ITPKB: variants seen among roughly 807,000 people sequenced by gnomAD.
The protein encoded by ITPKB is inositol-trisphosphate 3-kinase B.
In ITPKB, 13 loss-of-function variants were observed where a neutral mutation model predicts 69.4. That is an observed-to-expected ratio of 0.19 (90% confidence interval 0.12 to 0.30). ITPKB has a LOEUF of 0.30. Among genes scored for constraint, ITPKB ranks in the 10% least tolerant of loss-of-function variants. ITPKB has a pLI of 1.00. For missense variants in ITPKB, 1,240 were observed against 1,250.5 expected (o/e 0.99, Z 0.13); for synonymous variants, 584 against 513.7 (o/e 1.14, Z -1.85).
intron 2 of ITPKB, among the ~76,000 whole-genome samples, chr1:226,718,810 C>T (rs890257344): frequency 7.9e-5 from 12 of 152,132 alleles, no homozygotes; most frequent in Non-Finnish European, 1.5e-4. Flanking sequence ...GTGGCAGTTT[C>T]GTAAAATATG....
chr1:226,735,481 G>C, intron 2 of ITPKB, 46 bp downstream of exon 2: 1 of 1,455,910 alleles, frequency 6.9e-7, no homozygotes, highest in Non-Finnish European at 9.1e-7. Context: ...TCAAAAGTCT[G>C]CTGAAATCAG....
intron 2 of ITPKB, among the ~76,000 whole-genome samples, chr1:226,708,314 A>C (rs1327999693): frequency 6.6e-6 from 1 of 152,242 alleles, no homozygotes; most frequent in East Asian, 1.9e-4. Flanking sequence ...AAAAGAACAA[A>C]AAATAAATCA....
In ITPKB at chr1:226,637,870, C is replaced by A; in HGVS notation, c.2554-120G>T. On this transcript the variant is annotated intron_variant, in intron 6 of 7. Transcript: ENST00000429204. The surrounding 1 kb of genome is among the most constrained non-coding windows in gnomAD (Gnocchi z 4.3). ...GTGCTTTACCCTAAACGCCGGACATCTAGAGGCAGCTTCCTGCGAGCAGGG... is the reference window on the plus strand; with the variant it reads ...GTGCTTTACCCTAAACGCCGGACATATAGAGGCAGCTTCCTGCGAGCAGGG... 1 of 713,684 alleles carries A rather than the reference C, an allele frequency of 1.4e-6. No homozygotes were observed. Among genetic ancestry groups the A allele is most frequent in the Non-Finnish European group, 2.5e-6 (1 of 400,662 alleles). The allele number at this position is 713,684 out of a possible 1,614,324, so 44.2% of individuals were successfully genotyped here.
At chr1:226,695,049 G>A (rs1237332629) in intron 2 of ITPKB, among the ~76,000 whole-genome samples, 1 of 152,194 alleles carries the variant, frequency 6.6e-6, no homozygotes, top group Admixed American at 6.5e-5. Context: ...GGGCAACATG[G>A]TGAAACCCCA....
intron 2 of ITPKB, among the ~76,000 whole-genome samples, chr1:226,667,867 C>T (rs970982398): frequency 1.5e-5 from 2 of 129,278 alleles, no homozygotes; most frequent in Non-Finnish European, 3.4e-5. Flanking sequence ...CGCGCGCGTG[C>T]GAAGTGGAGG....
chr1:226,676,669 T>G (rs944458987), intron 2 of ITPKB, among the ~76,000 whole-genome samples: 1 of 152,222 alleles, frequency 6.6e-6, no homozygotes, highest in Non-Finnish European at 1.5e-5. Context: ...CTAGCAAAAG[T>G]GCCTTGAGAA....
At chr1:226,704,150 G>A (rs1571866209) in intron 2 of ITPKB, among the ~76,000 whole-genome samples, 1 of 152,080 alleles carries the variant, frequency 6.6e-6, no homozygotes, top group Non-Finnish European at 1.5e-5. Context: ...TCAATCTTAA[G>A]CCGAATTCCG....
At chr1:226,669,535 T>G (rs1170565182) in intron 2 of ITPKB, among the ~76,000 whole-genome samples, 1 of 152,166 alleles carries the variant, frequency 6.6e-6, no homozygotes, top group Non-Finnish European at 1.5e-5. Context: ...AGGCCTCAAC[T>G]GCCAGGCTAA....
intron 7 of ITPKB, among the ~76,000 whole-genome samples, chr1:226,636,962 T>C (rs1311845708): frequency 6.6e-6 from 1 of 152,114 alleles, no homozygotes; most frequent in African/African-American, 2.4e-5. Flanking sequence ...ATGTGTGTGA[T>C]TTGTGAATGT....
chr1:226,646,535 C>T (rs997011354), intron 4 of ITPKB, among the ~76,000 whole-genome samples: 5 of 152,122 alleles, frequency 3.3e-5, no homozygotes, highest in Non-Finnish European at 7.4e-5. Flanking sequence ...GAGCCTGAGC[C>T]CCTGTCAGGA....
At chr1:226,695,123 A>G (rs914210948) in intron 2 of ITPKB, among the ~76,000 whole-genome samples, 2 of 152,168 alleles carry the variant, frequency 1.3e-5, no homozygotes, top group African/African-American at 4.8e-5. Flanking sequence ...TCAGCTACTC[A>G]GAAGGCTGAG....
chr1:226,654,412 G>A (rs1261575466), intron 2 of ITPKB, among the ~76,000 whole-genome samples: 4 of 152,158 alleles, frequency 2.6e-5, no homozygotes, highest in Non-Finnish European at 5.9e-5. Flanking sequence ...CCTTGGGGAA[G>A]CTCAGGGCAT....
chr1:226,727,389 C>T (rs1037991744), intron 2 of ITPKB, among the ~76,000 whole-genome samples: 12 of 152,196 alleles, frequency 7.9e-5, no homozygotes, highest in Non-Finnish European at 1.5e-4. Context: ...CCTGGGGGTG[C>T]AGTGACCTCC....
At chr1:226,689,062 T>C (rs1656284026) in intron 2 of ITPKB, among the ~76,000 whole-genome samples, 1 of 152,200 alleles carries the variant, frequency 6.6e-6, no homozygotes, top group Admixed American at 6.5e-5. Context: ...TTTAGCTTTA[T>C]GAAAATTCCT....
intron 2 of ITPKB, among the ~76,000 whole-genome samples, chr1:226,694,841 T>G (rs181760772): frequency 1.6e-4 from 25 of 152,322 alleles, no homozygotes; most frequent in Admixed American, 1.4e-3. Flanking sequence ...ACTGGGTAAA[T>G]CAAACTTTGA....
In ITPKB at chr1:226,709,416, C is replaced by T. The variant is rs964530172; in HGVS notation, c.1932+26111G>A. Among the ~76,000 whole-genome samples, 7 of 152,098 alleles carry T rather than the reference C, an allele frequency of 4.6e-5. No homozygotes were observed. In the East Asian group the frequency reaches 5.8e-4, roughly 13 times the overall value. ...CCAGTGTCTGGCCTCTCCAGGTCTC[C>T]GATGGGTCTAGGAATGTCTGATGTG... On this transcript the variant is annotated intron_variant, in intron 2 of 7. Transcript: ENST00000429204.
At chr1:226,716,783 G>T (rs1219091987) in intron 2 of ITPKB, among the ~76,000 whole-genome samples, 3 of 152,160 alleles carry the variant, frequency 2.0e-5, no homozygotes, top group African/African-American at 7.2e-5. Context: ...TGGGCCACGG[G>T]GACTGGGTGG....
At chr1:226,648,604 CAG>C (rs893768760) in intron 3 of ITPKB, 66 bp downstream of exon 3, 1 of 936,000 alleles carries the variant, frequency 1.1e-6, no homozygotes, top group Non-Finnish European at 1.8e-6. Flanking sequence ...CCCCAGAATG[CAG>C]CGTCCAGGGC....
At chr1:226,728,774 C>T (rs1234921929) in intron 2 of ITPKB, among the ~76,000 whole-genome samples, 1 of 152,182 alleles carries the variant, frequency 6.6e-6, no homozygotes, top group East Asian at 1.9e-4. Flanking sequence ...GTCACACTTA[C>T]TCTCCCCATT....
Sources: gnomAD v4.1 joint callset for allele counts (sites outside exome capture counted in the v4.1 genomes callset) on GRCh38, gnomAD v4.1.1 for gene constraint, Gnocchi (gnomAD v3.1) non-coding constraint, MANE v1.5 for transcripts, NCBI Gene and HGNC (gene_info 2026-07-23, HGNC 2026-07-21) for gene names.